Variants in AUTS2 observed in about 807,000 individuals in gnomAD.
The protein encoded by AUTS2 is activator of transcription and developmental regulator AUTS2.
Under a neutral mutation model 112.4 loss-of-function variants are expected in AUTS2, and 17 were observed. The ratio of observed to expected loss-of-function variants is 0.15; its 90% CI spans 0.10 to 0.23. The LOEUF is 0.23. AUTS2 is among the 10% of genes least tolerant of loss of function. The probability of loss-of-function intolerance (pLI) is 1.00; values close to 1 mark genes in which losing one functional copy is unlikely to be tolerated. For missense variants in AUTS2, 1,510 were observed against 1,701.6 expected, an observed-to-expected ratio of 0.89 and a Z score of 1.98; for synonymous variants, 751 against 702.7, an observed-to-expected ratio of 1.07 and a Z score of -1.09.
intron 1 of AUTS2, among the ~76,000 whole-genome samples, chr7:69,789,552 C>T (rs1045066768): frequency 6.6e-6 from 1 of 152,124 alleles, no homozygotes; most frequent in Non-Finnish European, 1.5e-5. Context: ...GCTACTGCAC[C>T]TTTCTTGGCC....
intron 4 of AUTS2, among the ~76,000 whole-genome samples, chr7:70,159,239 C>A (rs546838494): frequency 1.8e-4 from 28 of 152,286 alleles, no homozygotes; most frequent in Admixed American, 4.6e-4. Flanking sequence ...TGCTGAATCC[C>A]TCACACGTGT....
intron 14 of AUTS2, among the ~76,000 whole-genome samples, chr7:70,779,150 A>G (rs1047470050): frequency 1.3e-4 from 20 of 152,162 alleles, no homozygotes; most frequent in Non-Finnish European, 2.5e-4. Context: ...CACCAAATTA[A>G]AGGAGGTATT....
intron 6 of AUTS2, among the ~76,000 whole-genome samples, chr7:70,754,763 T>C (rs1478495428): frequency 1.3e-5 from 2 of 152,204 alleles, no homozygotes; most frequent in Non-Finnish European, 2.9e-5. Context: ...TGTCTCTTTC[T>C]AAGTCATAAG....
At chr7:70,102,612 C>T (rs1267902990) in intron 2 of AUTS2, among the ~76,000 whole-genome samples, 2 of 151,944 alleles carry the variant, frequency 1.3e-5, no homozygotes, top group African/African-American at 4.8e-5. Flanking sequence ...AATAAATGGG[C>T]TAGTCTACAT....
At chr7:70,361,811 T>C (rs1392042581) in intron 4 of AUTS2, among the ~76,000 whole-genome samples, 1 of 152,194 alleles carries the variant, frequency 6.6e-6, no homozygotes, top group Non-Finnish European at 1.5e-5. Context: ...TGTTCAACTC[T>C]GCAAGCTACT....
At chr7:70,299,057 AATTC>A (rs1206660967) in intron 4 of AUTS2, among the ~76,000 whole-genome samples, 1 of 152,238 alleles carries the variant, frequency 6.6e-6, no homozygotes, top group Non-Finnish European at 1.5e-5. Flanking sequence ...TGAAAATGCA[AATTC>A]ATTCTTCTTT....
intron 4 of AUTS2, among the ~76,000 whole-genome samples, chr7:70,222,478 T>C (rs1309058078): frequency 6.6e-6 from 1 of 152,202 alleles, no homozygotes; most frequent in Non-Finnish European, 1.5e-5. Context: ...TTAACATCTA[T>C]GATTAAAATA....
chr7:70,214,178 A>C (rs1811059067), intron 4 of AUTS2, among the ~76,000 whole-genome samples: 3 of 152,204 alleles, frequency 2.0e-5, no homozygotes, highest in Admixed American at 2.0e-4. Context: ...TCTGTGCTCC[A>C]AACTGGTGGC....
intron 2 of AUTS2, among the ~76,000 whole-genome samples, chr7:70,087,627 C>G (rs911435930): frequency 1.3e-5 from 2 of 152,080 alleles, no homozygotes; most frequent in Non-Finnish European, 2.9e-5. Flanking sequence ...CCTCGGCCTC[C>G]CAAAGTGCTG....
chr7:70,473,256 G>A (rs1036112576), intron 5 of AUTS2, among the ~76,000 whole-genome samples: 2 of 152,120 alleles, frequency 1.3e-5, no homozygotes, highest in Non-Finnish European at 2.9e-5. Flanking sequence ...AACATAACAT[G>A]TTCAAAAGTT....
intron 1 of AUTS2, among the ~76,000 whole-genome samples, chr7:69,630,169 A>G (rs1015944324): frequency 1.3e-5 from 2 of 152,176 alleles, no homozygotes; most frequent in Admixed American, 6.5e-5. Flanking sequence ...AGACAGGAGA[A>G]TGGCTTGAAC....
In AUTS2 at chr7:69,598,538, CT is replaced by C; in HGVS notation, c.-1115del. 5.9e-6 allele frequency: 1 copy of C among 168,676 alleles called. No individual in the cohort carries two copies. Among genetic ancestry groups the C allele is most frequent in the Non-Finnish European group, 1.2e-5 (1 of 81,610 alleles). The allele number at this position is 168,676 out of a possible 1,614,324, so 10.4% of individuals were successfully genotyped here. ...CGTGCACCCTCCGGCTCGGGGCTTT[CT>C]CGGCGGCGGCGGCGGCAGCAGCAGC... On this transcript the variant is annotated 5_prime_UTR_variant, in exon 1 of 19. Coordinates refer to ENST00000342771, the MANE Select transcript of AUTS2 (RefSeq NM_015570.4).
At chr7:70,468,025 T>TTGTC (rs1797235332) in intron 5 of AUTS2, among the ~76,000 whole-genome samples, 2 of 152,198 alleles carry the variant, frequency 1.3e-5, no homozygotes, top group African/African-American at 4.8e-5. Flanking sequence ...ATTCTGAGGC[T>TTGTC]TGAGGCCGAA....
chr7:70,328,355 G>T (rs1263835679), intron 4 of AUTS2, among the ~76,000 whole-genome samples: 2 of 152,030 alleles, frequency 1.3e-5, no homozygotes, highest in Non-Finnish European at 2.9e-5. Context: ...CCTAGCAGCT[G>T]GGACTACAGA....
chr7:70,349,111 A>T (rs544762414), intron 4 of AUTS2, among the ~76,000 whole-genome samples: 2 of 152,338 alleles, frequency 1.3e-5, no homozygotes, highest in East Asian at 1.9e-4. Flanking sequence ...CATTTTACAA[A>T]TGAACAAACT....
intron 4 of AUTS2, among the ~76,000 whole-genome samples, chr7:70,296,733 G>A (rs1381076812): frequency 6.6e-6 from 1 of 151,886 alleles, no homozygotes; most frequent in East Asian, 1.9e-4. Context: ...ATAAATCATT[G>A]TGTACATCTG....
At chr7:70,167,762 C>T (rs554656813) in intron 4 of AUTS2, among the ~76,000 whole-genome samples, 8 of 152,230 alleles carry the variant, frequency 5.3e-5, no homozygotes, top group South Asian at 2.1e-4. Context: ...GAAGGATACC[C>T]GGAATGTCCT....
intron 4 of AUTS2, among the ~76,000 whole-genome samples, chr7:70,433,063 C>CT (rs1795742760): frequency 6.6e-6 from 1 of 152,188 alleles, no homozygotes; most frequent in South Asian, 2.1e-4. Context: ...TCACCATATG[C>CT]TTAACTCTGG....
At chr7:69,747,523 C>G (rs1289810192) in intron 1 of AUTS2, among the ~76,000 whole-genome samples, 1 of 152,066 alleles carries the variant, frequency 6.6e-6, no homozygotes, top group Non-Finnish European at 1.5e-5. Flanking sequence ...TAAACAAGAT[C>G]TTGTTTTGTT....
Sources: gnomAD v4.1 joint callset for allele counts (sites outside exome capture counted in the v4.1 genomes callset) on GRCh38, gnomAD v4.1.1 for gene constraint, MANE v1.5 for transcripts, NCBI Gene and HGNC (gene_info 2026-07-23, HGNC 2026-07-21) for gene names.